The following PLA2G3 variants were observed in gnomAD, a reference collection of about 807,000 sequenced individuals.
PLA2G3 encodes the protein phospholipase A2 group III.
In PLA2G3, 39 loss-of-function variants were observed where a neutral mutation model predicts 51.3. The ratio of observed to expected loss-of-function variants is 0.76; its 90% CI spans 0.59 to 0.99. PLA2G3 has a LOEUF of 0.99. PLA2G3 is among the 50% of genes least tolerant of loss of function. PLA2G3 has a pLI of 0.00. For missense variants in PLA2G3, 677 were observed against 662.1 expected (o/e 1.02, Z -0.25); for synonymous variants, 293 against 263.1 (o/e 1.11, Z -1.10).
In PLA2G3 at chr22:31,135,586, C is replaced by A. The variant is rs1922508365; in HGVS notation, c.*137G>T. The stretch of plus-strand genomic sequence containing the variant: ...CCAGCATTTGGGCCTTGAGATCCCC[C>A]CATTCATCCTCTTGATTGTCCACAA... On this transcript the variant is annotated 3_prime_UTR_variant, in exon 7 of 7. Transcript: ENST00000215885. 5.8e-6 allele frequency: 4 copies of A among 693,768 alleles called. No individual in the cohort carries two copies. In the South Asian group the frequency reaches 7.0e-5, roughly 12 times the overall value. 43.0% of individuals were successfully genotyped at this position (693,768 alleles called of 1,614,324 possible). A position where few individuals can be genotyped will look rare whatever the true frequency, so the allele number is the denominator to read the frequency against.
At chr22:31,136,582 G>T (rs757872) in intron 6 of PLA2G3, 101 bp downstream of exon 6, 23 of 919,352 alleles carry the variant, frequency 2.5e-5, no homozygotes, top group African/African-American at 6.7e-5. Context: ...AGAGGTCTCC[G>T]GATCCCTTCC....
At chr22:31,137,115 G>A (rs1001098417) in intron 4 of PLA2G3, 75 bp from the exon 5 acceptor site, 3 of 1,359,206 alleles carry the variant, frequency 2.2e-6, no homozygotes, top group Admixed American at 2.8e-5. Context: ...CCATCCGGGA[G>A]AAACACCAGC....
rs560440257 is a variant in PLA2G3, at chr22:31,139,171, A to G, written c.515-372T>C. On this transcript the variant is annotated intron_variant, in intron 1 of 6. Transcript: ENST00000215885. ...TGGAATGGCAAACAGGCAGGGTGCA[A>G]CCTTTCTCACTGGCACAAGGAGGTG... 2.0e-5 allele frequency among the ~76,000 whole-genome samples: 3 copies of G among 152,264 alleles called. No individual in the cohort carries two copies. The East Asian group carries it at 5.8e-4, about 29-fold the overall frequency.
chr22:31,137,329 G>A (rs1922633483), intron 4 of PLA2G3, among the ~76,000 whole-genome samples: 1 of 152,204 alleles, frequency 6.6e-6, no homozygotes, highest in Admixed American at 6.5e-5. Flanking sequence ...GGGTGGGAGA[G>A]AAGACAAGGA....
At position 31,138,376 on chromosome 22, in the gene PLA2G3, T is replaced by C; in HGVS notation, c.682A>G (p.Ile228Val). The C allele has an allele frequency of 1.2e-6, 2 of 1,613,928 alleles. No individual in the cohort carries two copies. Among genetic ancestry groups the C allele is most frequent in the Non-Finnish European group, 8.5e-7 (1 of 1,179,972 alleles). Reference protein sequence around the residue: ...QQCLQNQHDSISDIVGVAFFN... With the variant: ...QQCLQNQHDSVSDIVGVAFFN... Reference sequence around the variant, plus strand: ...AAGGCCACGCCCACGATGTCCGAGATGGAGTCGTGCTGATTCTGTAGGCAT... The same window carrying C: ...AAGGCCACGCCCACGATGTCCGAGACGGAGTCGTGCTGATTCTGTAGGCAT... The change falls in exon 3 of 7, where the codon ATC (isoleucine) becomes GTC (valine). Residue 228 changes from isoleucine (I) to valine (V), a missense_variant. By Grantham distance (29) the Ile-to-Val change is conservative (BLOSUM62 3). Coordinates refer to ENST00000215885, the MANE Select transcript of PLA2G3 (RefSeq NM_015715.5).
intron 1 of PLA2G3, 73 bp from the exon 2 acceptor site, chr22:31,138,872 G>A: frequency 2.7e-6 from 4 of 1,493,480 alleles, no homozygotes; most frequent in Non-Finnish European, 3.7e-6. Context: ...ATGCCCCCCT[G>A]GTAGGAAGAG....
intron 1 of PLA2G3, 132 bp from the exon 2 acceptor site, chr22:31,138,931 TC>T: frequency 1.3e-6 from 1 of 765,488 alleles, no homozygotes; most frequent in Non-Finnish European, 2.1e-6. Flanking sequence ...GCCATGAGGG[TC>T]CTCAGACCAG....
rs1210043510 is a variant in PLA2G3, at chr22:31,135,947, A to T, written c.1317-11T>A. On this transcript the variant is annotated splice_polypyrimidine_tract_variant and intron_variant, in intron 6 of 6. Transcript: ENST00000215885. ...GGGTCTCTGGAACAGCTGTAAGGAG[A>T]GAAGAGTGGGGCAGATGATCAGGGC... 3 of 1,607,540 alleles carry T rather than the reference A, an allele frequency of 1.9e-6. No homozygotes were observed. Among genetic ancestry groups the T allele is most frequent in the Non-Finnish European group, 1.7e-6 (2 of 1,175,510 alleles).
intron 6 of PLA2G3, among the ~76,000 whole-genome samples, chr22:31,136,340 A>C (rs994702463): frequency 6.6e-6 from 1 of 152,236 alleles, no homozygotes; most frequent in Non-Finnish European, 1.5e-5. Flanking sequence ...GAGTGAGTTA[A>C]GTACACATTT....
At position 31,135,934 on chromosome 22, in the gene PLA2G3, C is replaced by T. The variant is rs1198022621; in HGVS notation, c.1319G>A (p.Cys440Tyr). 1.2e-6 allele frequency: 2 copies of T among 1,612,612 alleles called. No individual in the cohort carries two copies. The highest frequency in any genetic ancestry group is 1.3e-5 in the African/African-American group (1 of 74,906). ...PPLDCVEGKN[C>Y]SRDPRAIRVS... ...CCTGATGGCCCTAGGGTCTCTGGAA[C>T]AGCTGTAAGGAGAGAAGAGTGGGGC... Residue 440 changes from cysteine (C) to tyrosine (Y), a missense_variant and splice_region_variant, in exon 7 of 7, where the codon TGT becomes TAT. Coordinates refer to ENST00000215885, the MANE Select transcript of PLA2G3 (RefSeq NM_015715.5).
chr22:31,138,809 G>A lies in PLA2G3; in HGVS notation c.515-10C>T. 4 of 1,613,316 alleles carry A rather than the reference G, an allele frequency of 2.5e-6. No individual in the cohort carries two copies. The highest frequency in any genetic ancestry group is 1.7e-4 in the Middle Eastern group (1 of 5,918). On this transcript the variant is annotated splice_polypyrimidine_tract_variant and intron_variant, in intron 1 of 6. Coordinates refer to ENST00000215885, the MANE Select transcript of PLA2G3 (RefSeq NM_015715.5). ...GGTCCCTGGAAGACCCCTGCAGGGAGGGGAGGGGAGAGGGCACCAACTCAG... is the reference window on the plus strand; with the variant it reads ...GGTCCCTGGAAGACCCCTGCAGGGAAGGGAGGGGAGAGGGCACCAACTCAG...
chr22:31,136,013 G>A (rs968571747), intron 6 of PLA2G3, 77 bp from the exon 7 acceptor site: 24 of 1,252,344 alleles, frequency 1.9e-5, no homozygotes, highest in Non-Finnish European at 2.7e-5. Flanking sequence ...GTGGGCTGAG[G>A]CCCAGAGAGA....
chr22:31,138,184 G>T, intron 3 of PLA2G3, 92 bp downstream of exon 3: 1 of 1,491,268 alleles, frequency 6.7e-7, no homozygotes, highest in Non-Finnish European at 9.1e-7. Context: ...TCATTCCCTG[G>T]AAGACAGACA....
chr22:31,138,549 T>C (rs1301558478), intron 2 of PLA2G3, 118 bp downstream of exon 2: 2 of 1,502,716 alleles, frequency 1.3e-6, no homozygotes, highest in African/African-American at 1.4e-5. Context: ...CTACCTGCAC[T>C]GTGGGGTCCA....
Position 31,140,394 on chromosome 22 carries a change from T to C in PLA2G3, c.-40A>G. On this transcript the variant is annotated 5_prime_UTR_variant, in exon 1 of 7. Coordinates refer to ENST00000215885, the MANE Select transcript of PLA2G3 (RefSeq NM_015715.5). ...GTCCAGTCAGACAAAGCCCCTGGGA[T>C]GCCTGCCCTTGGTGGCCCCACCAGG... is the stretch of plus-strand genomic sequence containing the variant. The C allele has an allele frequency of 6.6e-7, 1 of 1,517,910 alleles. No homozygotes were observed. 94.0% of individuals were successfully genotyped at this position (1,517,910 alleles called of 1,614,324 possible).
Position 31,138,369 on chromosome 22 carries a change from T to C in PLA2G3, c.689A>G (p.Asp230Gly). Residue 230 changes from aspartate (D) to glycine (G), a missense_variant, in exon 3 of 7, where the codon GAC (aspartate) becomes GGC (glycine). By Grantham distance (94) the Asp-to-Gly change is moderately conservative (BLOSUM62 -1). Transcript: ENST00000215885. The stretch of plus-strand genomic sequence containing the variant: ...GTTGAAGAAGGCCACGCCCACGATG[T>C]CCGAGATGGAGTCGTGCTGATTCTG... ...CLQNQHDSIS[D>G]IVGVAFFNVL... 6.2e-7 allele frequency: 1 copy of C among 1,613,890 alleles called. No homozygotes were observed. The highest frequency in any genetic ancestry group is 1.7e-5 in the Admixed American group (1 of 59,984).
intron 1 of PLA2G3, among the ~76,000 whole-genome samples, chr22:31,139,592 G>A (rs1275050336): frequency 6.6e-6 from 1 of 152,040 alleles, no homozygotes; most frequent in Admixed American, 6.6e-5. Flanking sequence ...CCCCCAGCCT[G>A]CCCAGTCCCT....
At chr22:31,139,703 T>C in intron 1 of PLA2G3, 138 bp downstream of exon 1, 2 of 629,188 alleles carry the variant, frequency 3.2e-6, no homozygotes, top group Non-Finnish European at 5.5e-6. Context: ...GCCCCCACTT[T>C]ACAGATAAGG....
chr22:31,138,287 G>A lies in PLA2G3; in HGVS notation c.771C>T (p.Tyr257=). The A allele has an allele frequency of 6.2e-7, 1 of 1,613,776 alleles. No homozygotes were observed. The highest frequency in any genetic ancestry group is 1.1e-5 in the South Asian group (1 of 91,074). The change falls in exon 3 of 7, where the codon TAC becomes TAT. Residue 257 remains tyrosine (Y), a synonymous_variant. Transcript: ENST00000215885. The part of the protein sequence containing the change: ...LEEQEACVAW[Y]WWGGCRMYGT... ...GGGTGGCCACGTACCCGCCCCACCA[G>A]TACCACGCCACACACGCCTCCTGCT...
Sources: allele counts gnomAD v4.1 joint callset (sites outside exome capture counted in the v4.1 genomes callset), GRCh38; gene constraint gnomAD v4.1.1; transcripts MANE v1.5; gene names NCBI Gene and HGNC (gene_info 2026-07-23, HGNC 2026-07-21).